Variants in SENP5 observed in about 807,000 individuals in gnomAD.
SENP5 encodes the protein SUMO specific peptidase 5.
Under a neutral mutation model 74.2 loss-of-function variants are expected in SENP5, and 21 were observed. The observed-to-expected ratio is 0.28, with a 90% CI of 0.20 to 0.41. SENP5 has a LOEUF of 0.41. Among genes scored for constraint, SENP5 ranks in the 10% least tolerant of loss-of-function variants. The probability of loss-of-function intolerance (pLI) is 1.00; values close to 1 mark genes in which losing one functional copy is unlikely to be tolerated. For missense variants in SENP5, 717 were observed against 889.1 expected (o/e 0.81, Z 2.46); for synonymous variants, 311 against 312.7 (o/e 0.99, Z 0.06).
At chr3:196,903,457 A>T (rs1714781619) in intron 5 of SENP5, 76 bp from the exon 6 acceptor site, 3 of 909,384 alleles carry the variant, frequency 3.3e-6, no homozygotes, top group African/African-American at 1.7e-5. Context: ...CAAACATTTT[A>T]AAATTTCCTC....
intron 2 of SENP5, among the ~76,000 whole-genome samples, chr3:196,897,569 C>T (rs1344960659): frequency 6.6e-6 from 1 of 152,182 alleles, no homozygotes; most frequent in African/African-American, 2.4e-5. Flanking sequence ...AAATTGTTCA[C>T]TTCTTTGTCT....
chr3:196,911,699 A>C (rs765868733), intron 6 of SENP5, among the ~76,000 whole-genome samples: 1 of 152,026 alleles, frequency 6.6e-6, no homozygotes, highest in Non-Finnish European at 1.5e-5. Flanking sequence ...AATCCCAGCT[A>C]CTCGGGAGGC....
At chr3:196,892,563 C>A (rs940343022) in intron 2 of SENP5, among the ~76,000 whole-genome samples, 1 of 152,176 alleles carries the variant, frequency 6.6e-6, no homozygotes, top group Non-Finnish European at 1.5e-5. Flanking sequence ...TCACTCACTT[C>A]GTCGTGAGAA....
chr3:196,904,438 G>A (rs1714819587), intron 6 of SENP5, among the ~76,000 whole-genome samples: 3 of 152,320 alleles, frequency 2.0e-5, no homozygotes, highest in Admixed American at 2.0e-4. Flanking sequence ...ATCAAGTCAT[G>A]TGGCGCCATA....
At chr3:196,872,797 GGGCAGAGCAGAT>G in intron 1 of SENP5, among the ~76,000 whole-genome samples, 1 of 152,236 alleles carries the variant, frequency 6.6e-6, no homozygotes, top group East Asian at 1.9e-4. Flanking sequence ...CTACCGTATT[GGGCAGAGCAGAT>G]ATAGAATATT....
chr3:196,911,108 T>TA (rs890038982), intron 6 of SENP5, among the ~76,000 whole-genome samples: 13 of 152,066 alleles, frequency 8.5e-5, no homozygotes, highest in African/African-American at 3.1e-4. Flanking sequence ...CACAAAATCG[T>TA]AAAAACCCTA....
At position 196,899,932 on chromosome 3, in the gene SENP5, T is replaced by A. The variant is rs1409149798; in HGVS notation, c.1628T>A (p.Phe543Tyr). Residue 543 changes from phenylalanine (F) to tyrosine (Y), a missense_variant, in exon 4 of 10, where the codon TTT (phenylalanine) becomes TAT (tyrosine). By Grantham distance (22) the Phe-to-Tyr change is conservative. Around this residue, in one of 4 missense-constraint regions of SENP5, gnomAD observed 64 missense variants for 100.8 expected, o/e 0.64. Transcript: ENST00000323460. ...AAATCTTTCTCTTTCAGAAAACCAT[T>A]TATCAATAGGGAAATAACAAACTAT... ...FNEDFSNRKP[F>Y]INREITNYRA... 2 of 1,613,268 alleles carry A rather than the reference T, an allele frequency of 1.2e-6. No homozygotes were observed. Among genetic ancestry groups the A allele is most frequent in the Non-Finnish European group, 1.7e-6 (2 of 1,179,816 alleles).
intron 1 of SENP5, among the ~76,000 whole-genome samples, chr3:196,877,408 C>T (rs1343401572): frequency 6.6e-6 from 1 of 152,194 alleles, no homozygotes; most frequent in Admixed American, 6.5e-5. Flanking sequence ...TGGTCTGGAA[C>T]TCCTGACCTC....
chr3:196,913,647 CTTTTTTTTTT>C (rs1229412806), intron 6 of SENP5, among the ~76,000 whole-genome samples: 2 of 98,090 alleles, frequency 2.0e-5, no homozygotes, highest in Non-Finnish European at 4.2e-5. Context: ...ATAAGAAAGG[CTTTTTTTTTT>C]TTTTTTTTTT....
chr3:196,886,826 C>T, intron 2 of SENP5, 132 bp downstream of exon 2: 2 of 614,548 alleles, frequency 3.3e-6, no homozygotes, highest in Non-Finnish European at 5.4e-6. Context: ...TGCTTGAAGC[C>T]TTTTATATTG....
At chr3:196,887,543 T>G (rs578101006) in intron 2 of SENP5, among the ~76,000 whole-genome samples, 4 of 151,772 alleles carry the variant, frequency 2.6e-5, no homozygotes, top group Non-Finnish European at 4.4e-5. Flanking sequence ...AGACGCTCAA[T>G]GTACCAGGCA....
chr3:196,869,976 C>T (rs966890748), intron 1 of SENP5, among the ~76,000 whole-genome samples: 2 of 151,864 alleles, frequency 1.3e-5, no homozygotes, highest in East Asian at 1.9e-4. Context: ...TGCCTTTCTG[C>T]CTCCTTCATC....
At position 196,900,178 on chromosome 3, in the gene SENP5, A is replaced by ACTGGTT. The variant is rs760540571; in HGVS notation, c.1758+117_1758+122dup. 2.6e-4 allele frequency: 346 copies of ACTGGTT among 1,354,404 alleles called. 1 individual carries two copies. The highest frequency in any genetic ancestry group is 3.3e-4 in the Non-Finnish European group (333 of 1,000,114). The allele number at this position is 1,354,404 out of a possible 1,614,324, so 83.9% of individuals were successfully genotyped here. On this transcript the variant is annotated intron_variant, in intron 4 of 9. Transcript: ENST00000323460. ...TTGGAATAAGGATTCTTCATTCTTT[A>ACTGGTT]CTGGTTACTTGCCCCAGGATCCAAA...
At chr3:196,871,159 G>C (rs1577785676) in intron 1 of SENP5, among the ~76,000 whole-genome samples, 1 of 151,906 alleles carries the variant, frequency 6.6e-6, no homozygotes, top group Non-Finnish European at 1.5e-5. Flanking sequence ...AACAGGGTGA[G>C]ACTCTGTCTC....
At chr3:196,919,342 G>T (rs1320915778) in intron 6 of SENP5, among the ~76,000 whole-genome samples, 1 of 152,176 alleles carries the variant, frequency 6.6e-6, no homozygotes, top group Non-Finnish European at 1.5e-5. Flanking sequence ...TTAGCCAGGG[G>T]TGGTGGCAGG....
chr3:196,869,573 C>T (rs965447455), intron 1 of SENP5, among the ~76,000 whole-genome samples: 3 of 151,126 alleles, frequency 2.0e-5, no homozygotes, highest in Non-Finnish European at 4.4e-5. Flanking sequence ...TCAGCCTAAC[C>T]AACATGGTGA....
rs890300923 is a variant in SENP5 at position 196,932,068 on chromosome 3, GTTC to G, written c.*1150_*1152del. 158 of 269,234 alleles carry G rather than the reference GTTC, an allele frequency of 5.9e-4. No individual in the cohort carries two copies. Among genetic ancestry groups the G allele is most frequent in the Admixed American group, 2.2e-4 (4 of 18,022 alleles). 16.7% of individuals were successfully genotyped at this position (269,234 alleles called of 1,614,324 possible). A position where few individuals can be genotyped will look rare whatever the true frequency, so the allele number is the denominator to read the frequency against. ...GGCCAGTGCTGACACTAGCACAGCT[GTTC>G]TTCTCCTTCTGTTGAACCTCATCTT... On this transcript the variant is annotated 3_prime_UTR_variant, in exon 10 of 10. Coordinates refer to ENST00000323460, the MANE Select transcript of SENP5 (RefSeq NM_152699.5).
intron 6 of SENP5, among the ~76,000 whole-genome samples, chr3:196,918,462 C>CTCATGAGGCTT (rs1204742060): frequency 2.0e-5 from 3 of 150,452 alleles, no homozygotes; most frequent in Non-Finnish European, 3.0e-5. Flanking sequence ...GTTTGCAAGC[C>CTCATGAGGCTT]TCATGAGGCT....
Position 196,885,391 on chromosome 3 carries a change from G to C in SENP5, c.210G>C (p.Trp70Cys). 5.0e-6 allele frequency: 8 copies of C among 1,614,186 alleles called. No individual in the cohort carries two copies. The highest frequency in any genetic ancestry group is 5.9e-6 in the Non-Finnish European group (7 of 1,180,030). The stretch of plus-strand genomic sequence containing the variant: ...AAGCTCTTCAAATCCAGAAAACGTG[G>C]ATCAAGGATGAACCCCTTTGTGCTA... The part of the protein sequence containing the change: ...RKKALQIQKT[W>C]IKDEPLCAKT... The change falls in exon 2 of 10, where the codon TGG becomes TGC. Residue 70 changes from tryptophan (W) to cysteine (C), a missense_variant. Coordinates refer to ENST00000323460, the MANE Select transcript of SENP5 (RefSeq NM_152699.5).
Sources: allele counts gnomAD v4.1 joint callset (sites outside exome capture counted in the v4.1 genomes callset), GRCh38; gene constraint gnomAD v4.1.1; regional missense constraint gnomAD v4.1.1; transcripts MANE v1.5; gene names NCBI Gene and HGNC (gene_info 2026-07-23, HGNC 2026-07-21).